Variants in SLC24A2 observed in about 807,000 individuals in gnomAD.
SLC24A2 encodes the protein solute carrier family 24 member 2.
SLC24A2 carries 36 observed loss-of-function variants against 62.0 expected under a neutral mutation model. The observed-to-expected ratio is 0.58, with a 90% CI of 0.44 to 0.77. The LOEUF (loss-of-function observed/expected upper bound fraction) is 0.77. SLC24A2 is among the 30% of genes least tolerant of loss of function. The pLI, the probability that SLC24A2 is intolerant of heterozygous loss-of-function variation, is 0.00. For missense variants in SLC24A2, 846 were observed against 817.9 expected (o/e 1.03, Z -0.42); for synonymous variants, 358 against 294.0 (o/e 1.22, Z -2.23).
Position 19,512,318 on chromosome 9 carries a change from G to A in SLC24A2, c.*3835C>T, listed in dbSNP as rs1367718444. The A allele has an allele frequency of 6.6e-6, 1 of 152,248 alleles. No individual in the cohort carries two copies. Among genetic ancestry groups the A allele is most frequent in the East Asian group, 1.9e-4 (1 of 5,204 alleles). 9.4% of individuals were successfully genotyped at this position (152,248 alleles called of 1,614,324 possible). A position where few individuals can be genotyped will look rare whatever the true frequency, so the allele number is the denominator to read the frequency against. On this transcript the variant is annotated 3_prime_UTR_variant, in exon 11 of 11. Coordinates refer to ENST00000341998, the MANE Select transcript of SLC24A2 (RefSeq NM_020344.4). Reference sequence around the variant, plus strand: ...GGCCCTTGTCAGGTGACACCTGTTAGAAGCCTTACAAAGCATTTTTCCTGA... The same window carrying A: ...GGCCCTTGTCAGGTGACACCTGTTAAAAGCCTTACAAAGCATTTTTCCTGA...
the SLC24A2 span, among the ~76,000 whole-genome samples, chr9:20,255,169 C>A: frequency 1.8e-3 from 268 of 152,302 alleles, 1 homozygote; most frequent in African/African-American, 6.0e-3. Context: ...CTAATATCTA[C>A]GCCATCATCC....
chr9:19,761,628 C>T (rs577741226), intron 2 of SLC24A2, among the ~76,000 whole-genome samples: 61 of 152,048 alleles, frequency 4.0e-4, no homozygotes, highest in African/African-American at 1.4e-3. Context: ...GCTGTCCCTC[C>T]CCCCTTTCCC....
chr9:19,654,162 A>G (rs1818877320), intron 2 of SLC24A2, among the ~76,000 whole-genome samples: 1 of 152,132 alleles, frequency 6.6e-6, no homozygotes, highest in Non-Finnish European at 1.5e-5. Flanking sequence ...TTCATATAGG[A>G]TGGAAATCAT....
chr9:19,541,455 A>G (rs931327179), intron 8 of SLC24A2, among the ~76,000 whole-genome samples: 8 of 151,608 alleles, frequency 5.3e-5, no homozygotes, highest in Non-Finnish European at 1.2e-4. Context: ...GTCTGTTGGA[A>G]TACCCTGCAG....
the SLC24A2 span, among the ~76,000 whole-genome samples, chr9:20,073,019 T>C: frequency 6.6e-6 from 1 of 152,170 alleles, no homozygotes; most frequent in Non-Finnish European, 1.5e-5. Context: ...TAGATTAAGA[T>C]ACTATTTAAT....
At chr9:20,064,474 C>T in the SLC24A2 span, among the ~76,000 whole-genome samples, 2 of 151,694 alleles carry the variant, frequency 1.3e-5, no homozygotes, top group African/African-American at 4.8e-5. Context: ...AAATTATTGC[C>T]CAATAAAGCT....
chr9:19,872,777 C>A, the SLC24A2 span, among the ~76,000 whole-genome samples: 2 of 152,160 alleles, frequency 1.3e-5, no homozygotes, highest in African/African-American at 2.4e-5. Context: ...ATTGACAATG[C>A]AGGATTTTGG....
chr9:20,034,813 C>G, the SLC24A2 span, among the ~76,000 whole-genome samples: 1 of 152,240 alleles, frequency 6.6e-6, no homozygotes, highest in East Asian at 1.9e-4. Flanking sequence ...TAAAATGGAA[C>G]TAGCACTGAT....
rs2063530029 is a variant in SLC24A2 at position 19,632,268 on chromosome 9, C to G, written c.931-9969G>C. 6.6e-6 allele frequency among the ~76,000 whole-genome samples: 1 copy of G among 152,170 alleles called. No homozygotes were observed. The highest frequency in any genetic ancestry group is 2.4e-5 in the African/African-American group (1 of 41,438). ...CAGGCAAATTGTCATTTTATCTATG[C>G]CTACCTGGGATGTTACCATGTTATT... On this transcript the variant is annotated intron_variant, in intron 2 of 10. Transcript: ENST00000341998. This position sits in a 1 kb window ranked among gnomAD's most constrained non-coding sequence, Gnocchi z 4.5.
intron 4 of SLC24A2, among the ~76,000 whole-genome samples, chr9:19,618,158 C>G (rs139001400): frequency 6.3e-4 from 96 of 152,274 alleles, no homozygotes; most frequent in African/African-American, 2.2e-3. Context: ...AAACCAAATA[C>G]TAGAGAGACC....
At chr9:20,033,318 G>T in the SLC24A2 span, among the ~76,000 whole-genome samples, 1 of 152,166 alleles carries the variant, frequency 6.6e-6, no homozygotes, top group African/African-American at 2.4e-5. Flanking sequence ...ATTGTTCTAA[G>T]CCTCAATTCC....
At chr9:20,082,884 A>G in the SLC24A2 span, among the ~76,000 whole-genome samples, 3 of 152,260 alleles carry the variant, frequency 2.0e-5, no homozygotes, top group African/African-American at 7.2e-5. Flanking sequence ...CTTCCTTTCA[A>G]AAAAGCTACC....
At chr9:20,034,187 C>T in the SLC24A2 span, among the ~76,000 whole-genome samples, 1 of 152,132 alleles carries the variant, frequency 6.6e-6, no homozygotes, top group Non-Finnish European at 1.5e-5. Context: ...ACGACCCCTT[C>T]CTTACAAAAT....
rs1285264159 is a variant in SLC24A2, at chr9:19,514,883, G to C, written c.*1270C>G. 2.0e-5 allele frequency: 3 copies of C among 152,212 alleles called. No homozygotes were observed. Among genetic ancestry groups the C allele is most frequent in the African/African-American group, 7.2e-5 (3 of 41,450 alleles). 9.4% of individuals were successfully genotyped at this position (152,212 alleles called of 1,614,324 possible). A position where few individuals can be genotyped will look rare whatever the true frequency, so the allele number is the denominator to read the frequency against. On this transcript the variant is annotated 3_prime_UTR_variant, in exon 11 of 11. Transcript: ENST00000341998. ...TCGCTAAGTTGCCTCAACCCAAGCA[G>C]TGCTGATCAGAGTTAAGTTAGTGCT...
intron 2 of SLC24A2, among the ~76,000 whole-genome samples, chr9:19,669,117 G>A (rs943742831): frequency 6.6e-6 from 1 of 152,188 alleles, no homozygotes; most frequent in Non-Finnish European, 1.5e-5. Context: ...CTTGAAAGAA[G>A]AAGAGAATAA....
At chr9:20,226,686 A>C in the SLC24A2 span, among the ~76,000 whole-genome samples, 1 of 151,632 alleles carries the variant, frequency 6.6e-6, no homozygotes, top group East Asian at 1.9e-4. Flanking sequence ...GAAACAATAC[A>C]CATTCATATT....
At chr9:20,042,642 G>C in the SLC24A2 span, among the ~76,000 whole-genome samples, 1 of 152,142 alleles carries the variant, frequency 6.6e-6, no homozygotes, top group African/African-American at 2.4e-5. Context: ...GAGAATGCAG[G>C]CATACCTCCT....
At chr9:20,304,852 G>A in the SLC24A2 span, among the ~76,000 whole-genome samples, 1 of 151,658 alleles carries the variant, frequency 6.6e-6, no homozygotes, top group African/African-American at 2.4e-5. Context: ...CATAGTCCTA[G>A]GTGGGATCCC....
intron 2 of SLC24A2, among the ~76,000 whole-genome samples, chr9:19,730,638 G>A (rs1370339841): frequency 2.0e-5 from 3 of 152,040 alleles, no homozygotes; most frequent in Non-Finnish European, 1.5e-5. Flanking sequence ...TCTAGTTTAA[G>A]AGTCATTGTT....
Sources: allele counts gnomAD v4.1 joint callset (sites outside exome capture counted in the v4.1 genomes callset), GRCh38; gene constraint gnomAD v4.1.1; non-coding constraint Gnocchi (gnomAD v3.1); transcripts MANE v1.5; gene names NCBI Gene and HGNC (gene_info 2026-07-23, HGNC 2026-07-21).